Variants in ARHGEF38 observed in about 807,000 individuals in gnomAD.
ARHGEF38 encodes Rho guanine nucleotide exchange factor 38, also known as Rho guanine nucleotide exchange factor (GEF) 38.
Under a neutral mutation model 79.9 loss-of-function variants are expected in ARHGEF38, and 79 were observed. That is an observed-to-expected ratio of 0.99 (90% CI 0.82 to 1.19). The LOEUF is 1.19. Ranked by LOEUF, ARHGEF38 falls within the 50% of genes most tolerant of loss-of-function variation. ARHGEF38 has a pLI of 0.00. For synonymous variants in ARHGEF38, 366 were observed against 328.3 expected, an observed-to-expected ratio of 1.11 and a Z score of -1.24; for missense variants, 962 against 907.2, an observed-to-expected ratio of 1.06 and a Z score of -0.78.
At chr4:105,587,182 C>T (rs1219539555) in intron 1 of ARHGEF38, among the ~76,000 whole-genome samples, 1 of 152,166 alleles carries the variant, frequency 6.6e-6, no homozygotes, top group Non-Finnish European at 1.5e-5. Flanking sequence ...GTGGCTCACA[C>T]TTGTAATCCC....
In ARHGEF38 at chr4:105,655,694, G is replaced by T. The variant is rs1373037807; in HGVS notation, c.1205G>T (p.Ser402Ile). ...GAGATGGACTATTCTGAGACCCTAA[G>T]TAATGCCTTAAATTCGTGTCATGAC... is the stretch of plus-strand genomic sequence containing the variant. ...DDEMDYSETL[S>I]NALNSCHDFA... Residue 402 changes from serine (S) to isoleucine (I), a missense_variant, in exon 9 of 14, where the codon AGT (serine) becomes ATT (isoleucine). Ser to Ile is a moderately radical substitution (Grantham distance 142). Coordinates refer to ENST00000420470, the MANE Select transcript of ARHGEF38 (RefSeq NM_001242729.2). The T allele has an allele frequency of 1.0e-5, 16 of 1,535,478 alleles. No individual in the cohort carries two copies. Among genetic ancestry groups the T allele is most frequent in the Non-Finnish European group, 1.4e-5 (16 of 1,146,524 alleles).
chr4:105,667,046 C>T, intron 11 of ARHGEF38, 83 bp from the exon 12 acceptor site: 1 of 1,205,782 alleles, frequency 8.3e-7, no homozygotes, highest in South Asian at 1.6e-5. Flanking sequence ...TTTTAAAAAT[C>T]TCCAGGGAAA....
intron 2 of ARHGEF38, among the ~76,000 whole-genome samples, chr4:105,608,549 T>C (rs1053614356): frequency 2.6e-5 from 4 of 151,948 alleles, no homozygotes; most frequent in African/African-American, 9.7e-5. Flanking sequence ...CCTCAAACAT[T>C]TATCATTTCT....
intron 3 of ARHGEF38, among the ~76,000 whole-genome samples, chr4:105,622,132 G>T (rs1728760376): frequency 6.6e-6 from 1 of 152,068 alleles, no homozygotes; most frequent in South Asian, 2.1e-4. Flanking sequence ...AATAAAGGTG[G>T]CTTAGTAAAA....
chr4:105,670,225 C>T (rs1309659732), intron 13 of ARHGEF38, among the ~76,000 whole-genome samples: 1 of 152,096 alleles, frequency 6.6e-6, no homozygotes, highest in Admixed American at 6.6e-5. Flanking sequence ...CCAAAGTGGG[C>T]GCACCATTTT....
chr4:105,597,573 A>G (rs1043214690), intron 2 of ARHGEF38, among the ~76,000 whole-genome samples: 2 of 152,134 alleles, frequency 1.3e-5, no homozygotes, highest in Admixed American at 1.3e-4. Context: ...ACTGACCACA[A>G]CTTTCTTAAA....
rs115583205 is a variant in ARHGEF38, at chr4:105,625,651, C to T, written c.509-5247C>T. ...AGCCAGCTGCCTCTTCAGGAAAATT[C>T]CTGGACATTGTCATGGGACACTTTC... On this transcript the variant is annotated intron_variant, in intron 3 of 13. Coordinates refer to ENST00000420470, the MANE Select transcript of ARHGEF38 (RefSeq NM_001242729.2). Among the ~76,000 whole-genome samples, 588 of 152,316 alleles carry T rather than the reference C, an allele frequency of 3.9e-3. 6 individuals are homozygous for T. The highest frequency in any genetic ancestry group is 0.013 in the African/African-American group (556 of 41,570).
At chr4:105,635,218 C>T (rs767548738) in intron 4 of ARHGEF38, among the ~76,000 whole-genome samples, 2 of 151,916 alleles carry the variant, frequency 1.3e-5, no homozygotes, top group Non-Finnish European at 2.9e-5. Flanking sequence ...TCCTGAATTG[C>T]CCTTGGTTGG....
chr4:105,653,875 C>T (rs1025338537), intron 7 of ARHGEF38, among the ~76,000 whole-genome samples, 190 bp from the exon 8 acceptor site: 7 of 152,196 alleles, frequency 4.6e-5, no homozygotes, highest in African/African-American at 1.7e-4. Flanking sequence ...GGCTTTACTA[C>T]ACTAACTGAG....
Position 105,654,064 on chromosome 4 carries a change from G to T in ARHGEF38, c.1009-1G>T. 1 of 1,423,784 alleles carries T rather than the reference G, an allele frequency of 7.0e-7. No individual in the cohort carries two copies. The highest frequency in any genetic ancestry group is 9.4e-7 in the Non-Finnish European group (1 of 1,066,772). The allele number at this position is 1,423,784 out of a possible 1,614,324, so 88.2% of individuals were successfully genotyped here. A position where few individuals can be genotyped will look rare whatever the true frequency, so the allele number is the denominator to read the frequency against. On this transcript the variant is annotated splice_acceptor_variant, in intron 7 of 13. Transcript: ENST00000420470. LOFTEE classifies it high-confidence loss of function. The stretch of plus-strand genomic sequence containing the variant: ...TGAAAATAATTTCATATATATTTTA[G>T]GTTAAAGACAATACCTTTAACAGAG...
chr4:105,570,302 A>G (rs182795396), intron 1 of ARHGEF38: 2 of 152,218 alleles, frequency 1.3e-5, no homozygotes, highest in East Asian at 3.8e-4. Flanking sequence ...ATACATTATA[A>G]TCAAATATAA....
chr4:105,630,432 C>T (rs1389358212), intron 3 of ARHGEF38, among the ~76,000 whole-genome samples: 7 of 151,842 alleles, frequency 4.6e-5, no homozygotes, highest in South Asian at 2.1e-4. Context: ...TTAGTAGAGA[C>T]GGGGTTTCAC....
rs112038653 is a variant in ARHGEF38, at chr4:105,643,525, A to T, written c.675-1663A>T. Among the ~76,000 whole-genome samples the T allele has an allele frequency of 4.3e-3, 650 of 152,272 alleles. 3 individuals carry two copies. Among genetic ancestry groups the T allele is most frequent in the Non-Finnish European group, 7.4e-3 (504 of 68,018 alleles). On this transcript the variant is annotated intron_variant, in intron 5 of 13. Transcript: ENST00000420470. ...TGCATGTGAACAAAATTCCTCAGCC[A>T]TTTATTCACGTTTTTGGAAAAAACG...
intron 5 of ARHGEF38, among the ~76,000 whole-genome samples, chr4:105,644,619 G>A (rs895894626): frequency 2.0e-5 from 3 of 152,216 alleles, no homozygotes; most frequent in African/African-American, 2.4e-5. Context: ...ATTAGTGATA[G>A]GGATAGTAAT....
chr4:105,669,635 A>T (rs1167551659), intron 13 of ARHGEF38, among the ~76,000 whole-genome samples: 2 of 151,660 alleles, frequency 1.3e-5, no homozygotes, highest in Non-Finnish European at 2.9e-5. Flanking sequence ...TTCATGTCAT[A>T]TAATTAATCC....
At chr4:105,656,329 C>T (rs137953313) in intron 9 of ARHGEF38, among the ~76,000 whole-genome samples, 6 of 152,192 alleles carry the variant, frequency 3.9e-5, no homozygotes, top group Admixed American at 1.3e-4. Flanking sequence ...TCTGGAAATG[C>T]CTTGAGTCCT....
At chr4:105,580,135 G>A (rs1326320613) in intron 1 of ARHGEF38, among the ~76,000 whole-genome samples, 1 of 151,898 alleles carries the variant, frequency 6.6e-6, no homozygotes, top group East Asian at 1.9e-4. Context: ...AGTCTAGCTA[G>A]CAGTCTATCT....
chr4:105,606,898 T>C (rs1161783210), intron 2 of ARHGEF38, among the ~76,000 whole-genome samples: 1 of 152,114 alleles, frequency 6.6e-6, no homozygotes, highest in Non-Finnish European at 1.5e-5. Context: ...GTGACTGTAT[T>C]TTCTTTCTTT....
chr4:105,640,146 A>C (rs1272547367), intron 5 of ARHGEF38, among the ~76,000 whole-genome samples: 1 of 151,850 alleles, frequency 6.6e-6, no homozygotes, highest in Non-Finnish European at 1.5e-5. Flanking sequence ...CTCTACACAC[A>C]ACAAACACAC....
Sources: gnomAD v4.1 joint callset for allele counts (sites outside exome capture counted in the v4.1 genomes callset) on GRCh38, gnomAD v4.1.1 for gene constraint, MANE v1.5 for transcripts, NCBI Gene and HGNC (gene_info 2026-07-23, HGNC 2026-07-21) for gene names.